Variants in POLN observed in about 807,000 individuals in gnomAD.
POLN encodes DNA polymerase nu.
In POLN, 108 loss-of-function variants were observed where a neutral mutation model predicts 113.5. The ratio of observed to expected loss-of-function variants is 0.95; its 90% CI spans 0.81 to 1.12. The LOEUF (loss-of-function observed/expected upper bound fraction) is 1.12, where lower values mean the gene tolerates loss of function less well. POLN is among the 50% of genes most tolerant of loss of function. POLN has a pLI of 0.00. For missense variants in POLN, 1,097 were observed against 1,077.1 expected, an observed-to-expected ratio of 1.02 and a Z score of -0.26; for synonymous variants, 386 against 391.5, an observed-to-expected ratio of 0.99 and a Z score of 0.17.
Position 2,179,309 on chromosome 4 carries a change from A to G in POLN, c.1178T>C (p.Val393Ala), listed in dbSNP as rs778706906. 4 of 1,610,914 alleles carry G rather than the reference A, an allele frequency of 2.5e-6. No individual in the cohort carries two copies. The highest frequency in any genetic ancestry group is 3.4e-6 in the Non-Finnish European group (4 of 1,178,444). ...AAAACTTTATCTTAAACAACTCACC[A>G]CAATATTTCTTGAGGAATTTCCATA... ...STYGNSSRNI[V>A]NQNVRENLKT... Residue 393 changes from valine to alanine, a missense_variant and splice_region_variant, in exon 8 of 26, where the codon GTG (valine) becomes GCG (alanine). Val to Ala is a moderately conservative substitution (Grantham distance 64). Transcript: ENST00000511885.
At chr4:2,152,761 G>A (rs1216500543) in intron 16 of POLN, among the ~76,000 whole-genome samples, 3 of 151,942 alleles carry the variant, frequency 2.0e-5, no homozygotes, top group Non-Finnish European at 4.4e-5. Flanking sequence ...AATAATCTTG[G>A]AGCTGAGGAC....
chr4:2,122,724 G>A (rs1458748045), intron 19 of POLN, among the ~76,000 whole-genome samples: 2 of 152,150 alleles, frequency 1.3e-5, no homozygotes, highest in South Asian at 2.1e-4. Flanking sequence ...CATTTTAAAT[G>A]ATTAAGATGG....
intron 14 of POLN, among the ~76,000 whole-genome samples, chr4:2,158,424 A>G (rs35929825): frequency 6.6e-6 from 1 of 152,336 alleles, no homozygotes; most frequent in East Asian, 1.9e-4. Flanking sequence ...AAATAGATCT[A>G]TTAATTCTAG....
At chr4:2,222,040 T>C (rs1734264272) in intron 3 of POLN, among the ~76,000 whole-genome samples, 1 of 152,214 alleles carries the variant, frequency 6.6e-6, no homozygotes, top group Non-Finnish European at 1.5e-5. Flanking sequence ...CCTAAGGCTG[T>C]GTCATAGGCA....
chr4:2,227,086 G>A (rs1158979064), intron 3 of POLN, among the ~76,000 whole-genome samples: 1 of 152,108 alleles, frequency 6.6e-6, no homozygotes, highest in Non-Finnish European at 1.5e-5. Context: ...AGGGTGAATG[G>A]GACTATTGAT....
chr4:2,109,653 T>G (rs957671694), intron 19 of POLN, among the ~76,000 whole-genome samples: 1 of 152,192 alleles, frequency 6.6e-6, no homozygotes, highest in African/African-American at 2.4e-5. Context: ...TCCAGCAACA[T>G]TTTTTCTTTT....
intron 13 of POLN, among the ~76,000 whole-genome samples, chr4:2,162,098 GC>G (rs1732610352): frequency 6.6e-6 from 1 of 152,182 alleles, no homozygotes; most frequent in South Asian, 2.1e-4. Flanking sequence ...CGAGCCAGCA[GC>G]GGCAACCCGC....
At chr4:2,108,863 A>G (rs1560998574) in intron 19 of POLN, among the ~76,000 whole-genome samples, 1 of 152,056 alleles carries the variant, frequency 6.6e-6, no homozygotes, top group Non-Finnish European at 1.5e-5. Flanking sequence ...GGAAATGACA[A>G]AATCGCTATG....
At chr4:2,080,847 G>A (rs1178926480) in intron 23 of POLN, 111 bp downstream of exon 23, 27 of 1,583,994 alleles carry the variant, frequency 1.7e-5, no homozygotes, top group East Asian at 6.8e-5. Flanking sequence ...AGGAGGGGAC[G>A]GGGGCCCGAT....
intron 4 of POLN, among the ~76,000 whole-genome samples, chr4:2,211,631 C>T (rs1733995697): frequency 6.6e-6 from 1 of 151,956 alleles, no homozygotes; most frequent in Non-Finnish European, 1.5e-5. Context: ...CAAAAATTAG[C>T]TGGGCAATGA....
intron 7 of POLN, among the ~76,000 whole-genome samples, chr4:2,185,106 T>C (rs7665858): frequency 0.25 from 37,520 of 152,118 alleles, 7,150 homozygotes; most frequent in African/African-American, 0.51. Context: ...TATCACCATG[T>C]TGCAATTAAG....
chr4:2,227,941 G>A (rs868501747), intron 3 of POLN: 1 of 152,090 alleles, frequency 6.6e-6, no homozygotes, highest in Non-Finnish European at 1.5e-5. Flanking sequence ...TCAATTGCTA[G>A]GCATGTAATT....
intron 16 of POLN, among the ~76,000 whole-genome samples, chr4:2,151,835 G>A (rs558409921): frequency 6.6e-6 from 1 of 152,130 alleles, no homozygotes; most frequent in East Asian, 1.9e-4. Context: ...GGAGTGGGGA[G>A]GGAGATATTA....
At chr4:2,158,247 C>CG (rs1577729439) in intron 14 of POLN, among the ~76,000 whole-genome samples, 2 of 152,138 alleles carry the variant, frequency 1.3e-5, no homozygotes, top group East Asian at 3.9e-4. Flanking sequence ...CCACCATGCC[C>CG]GGCCTAAGTC....
intron 23 of POLN, among the ~76,000 whole-genome samples, chr4:2,077,286 C>T (rs897475651): frequency 7.9e-5 from 12 of 152,244 alleles, no homozygotes; most frequent in African/African-American, 2.2e-4. Flanking sequence ...CTGGACTTCT[C>T]GTGATGGGAG....
At position 2,158,416 on chromosome 4, in the gene POLN, A is replaced by G. The variant is rs1320207692; in HGVS notation, c.1612-505T>C. ...AAAGATGTCATTCCACTCTTTAAAA[A>G]TAGATCTATTAATTCTAGAATCATT... On this transcript the variant is annotated intron_variant, in intron 14 of 25. Transcript: ENST00000511885. Among the ~76,000 whole-genome samples the G allele has an allele frequency of 5.9e-5, 9 of 152,358 alleles. No homozygotes were observed. The East Asian group carries it at 1.7e-3, about 29-fold the overall frequency.
At chr4:2,238,899 C>A in intron 2 of POLN, 1 of 1,613,120 alleles carries the variant, frequency 6.2e-7, no homozygotes, top group Non-Finnish European at 8.5e-7. Context: ...TCTCCCTTTA[C>A]CACTGGCATA....
chr4:2,236,353 C>G (rs755949745), intron 2 of POLN: 3 of 1,613,054 alleles, frequency 1.9e-6, no homozygotes, highest in Admixed American at 3.3e-5. Context: ...TGATCTTGTA[C>G]TAAAGAAATA....
intron 2 of POLN, chr4:2,231,691 C>A: frequency 6.6e-6 from 2 of 304,582 alleles, no homozygotes; most frequent in Non-Finnish European, 1.2e-5. Flanking sequence ...ATGCTTTTTC[C>A]CTGTAAGTAA....
Sources: allele counts gnomAD v4.1 joint callset (sites outside exome capture counted in the v4.1 genomes callset), GRCh38; gene constraint gnomAD v4.1.1; transcripts MANE v1.5; gene names NCBI Gene and HGNC (gene_info 2026-07-23, HGNC 2026-07-21).